The following COL19A1 variants were observed in gnomAD, a reference collection of about 807,000 sequenced individuals.
COL19A1 encodes the protein collagen type XIX alpha 1 chain.
A neutral mutation model predicts 190.2 loss-of-function variants in COL19A1; 159 were observed. That is an observed-to-expected ratio of 0.84 (90% CI 0.73 to 0.95). The LOEUF is 0.95. Among genes scored for constraint, COL19A1 ranks in the 40% least tolerant of loss-of-function variants. The pLI is 0.00. For synonymous variants in COL19A1, 509 were observed against 458.9 expected (o/e 1.11, Z -1.39); for missense variants, 1,418 against 1,431.9 (o/e 0.99, Z 0.16).
chr6:70,127,085 T>G (rs1348144408), intron 17 of COL19A1, among the ~76,000 whole-genome samples: 3 of 152,152 alleles, frequency 2.0e-5, no homozygotes, highest in Non-Finnish European at 4.4e-5. Context: ...GAGACTTGAT[T>G]AATGACTAGT....
chr6:70,205,461 G>A (rs1011158096), intron 49 of COL19A1, among the ~76,000 whole-genome samples: 8 of 152,128 alleles, frequency 5.3e-5, no homozygotes, highest in Admixed American at 1.3e-4. Flanking sequence ...TTATGAAAAG[G>A]CACAACTAAA....
intron 4 of COL19A1, among the ~76,000 whole-genome samples, chr6:69,924,513 G>C (rs149078124): frequency 6.6e-6 from 1 of 152,066 alleles, no homozygotes; most frequent in African/African-American, 2.4e-5. Context: ...TGATGGACAC[G>C]TGGGTTGGTT....
chr6:70,079,691 T>C (rs1014398597), intron 15 of COL19A1, among the ~76,000 whole-genome samples: 4 of 152,200 alleles, frequency 2.6e-5, no homozygotes, highest in African/African-American at 9.6e-5. Context: ...TTTCTTAGCA[T>C]GTCTGTGTTG....
chr6:70,041,014 A>C (rs1779609989), intron 14 of COL19A1, among the ~76,000 whole-genome samples: 1 of 152,164 alleles, frequency 6.6e-6, no homozygotes, highest in Non-Finnish European at 1.5e-5. Context: ...TTTTTAAACA[A>C]AATTTCATAT....
intron 14 of COL19A1, among the ~76,000 whole-genome samples, chr6:70,065,634 T>G (rs1781137448): frequency 6.6e-6 from 1 of 152,130 alleles, no homozygotes; most frequent in Non-Finnish European, 1.5e-5. Flanking sequence ...AAAGAGCTTC[T>G]GCACAGCAAA....
Position 70,199,438 on chromosome 6 carries a change from C to T in COL19A1, c.3095-170C>T, listed in dbSNP as rs114622722. Among the ~76,000 whole-genome samples, 155 of 152,236 alleles carry T rather than the reference C, an allele frequency of 1.0e-3. 2 individuals carry two copies. Among genetic ancestry groups the T allele is most frequent in the African/African-American group, 3.5e-3 (147 of 41,550 alleles). On this transcript the variant is annotated intron_variant, in intron 48 of 50. Coordinates refer to ENST00000620364, the MANE Select transcript of COL19A1 (RefSeq NM_001858.6). ...ATCTATACACAAACAACTTTGCAAT[C>T]GATATTATTTGTCTAATCAAAAAAC...
chr6:69,868,940 T>C lies in COL19A1; in HGVS notation c.-33+2300T>C, dbSNP rs144093615. On this transcript the variant is annotated intron_variant, in intron 1 of 50. Transcript: ENST00000620364. ...ACCATGGTAGTGTGACTAAGAGGCA[T>C]CACAAATGAAAATTCAATTGAAGTA... 2.8e-3 allele frequency among the ~76,000 whole-genome samples: 426 copies of C among 151,786 alleles called. 5 individuals carry two copies. Among genetic ancestry groups the C allele is most frequent in the African/African-American group, 9.7e-3 (401 of 41,382 alleles).
chr6:70,090,201 G>T (rs1232904915), intron 15 of COL19A1, among the ~76,000 whole-genome samples: 1 of 151,920 alleles, frequency 6.6e-6, no homozygotes, highest in Non-Finnish European at 1.5e-5. Flanking sequence ...ATTTGCACAT[G>T]GAAATGGAAA....
intron 9 of COL19A1, among the ~76,000 whole-genome samples, chr6:69,945,615 T>C (rs900334465): frequency 1.3e-5 from 2 of 152,074 alleles, no homozygotes; most frequent in African/African-American, 4.8e-5. Flanking sequence ...GAAATAATAA[T>C]GTTTCTTTAT....
At chr6:70,157,136 C>T (rs940936783) in intron 34 of COL19A1, among the ~76,000 whole-genome samples, 3 of 152,058 alleles carry the variant, frequency 2.0e-5, no homozygotes, top group African/African-American at 7.2e-5. Flanking sequence ...GCAGAGCTTC[C>T]CTGGGTACCA....
At chr6:70,049,731 A>C (rs529190252) in intron 14 of COL19A1, among the ~76,000 whole-genome samples, 1 of 152,152 alleles carries the variant, frequency 6.6e-6, no homozygotes, top group South Asian at 2.1e-4. Flanking sequence ...TTCATGTTGA[A>C]ATACTCAGCA....
chr6:70,191,140 C>A (rs2150297927), intron 48 of COL19A1, among the ~76,000 whole-genome samples: 1 of 152,258 alleles, frequency 6.6e-6, no homozygotes, highest in South Asian at 2.1e-4. Flanking sequence ...AAAGTTCTGA[C>A]CCCTGCTCTA....
chr6:70,103,980 C>G (rs2150190217), intron 16 of COL19A1, among the ~76,000 whole-genome samples: 1 of 152,054 alleles, frequency 6.6e-6, no homozygotes, highest in Admixed American at 6.6e-5. Flanking sequence ...CCAAAAACAC[C>G]CTGCACCACC....
At chr6:70,058,146 G>A (rs1780614910) in intron 14 of COL19A1, among the ~76,000 whole-genome samples, 1 of 151,842 alleles carries the variant, frequency 6.6e-6, no homozygotes, top group Admixed American at 6.6e-5. Context: ...AGTTATTTCA[G>A]GACCTATATA....
intron 17 of COL19A1, among the ~76,000 whole-genome samples, chr6:70,127,478 T>C (rs1192657752): frequency 6.6e-6 from 1 of 151,930 alleles, no homozygotes; most frequent in Non-Finnish European, 1.5e-5. Flanking sequence ...GAGAAAACAT[T>C]TGGGGAGACA....
Position 70,199,721 on chromosome 6 carries a change from G to A in COL19A1, c.3208G>A (p.Asp1070Asn), listed in dbSNP as rs776295411. ...GGATGGGTTGCCTGGGCCACCAGGA[G>A]ACCCTGGACCCCAAGGTAAGTCTTC... ...GKDGLPGPPG[D>N]PGPQGYRGQK... Residue 1070 changes from aspartate (D) to asparagine (N), a missense_variant, in exon 49 of 51, where the codon GAC becomes AAC. By Grantham distance (23) the Asp-to-Asn change is conservative. Transcript: ENST00000620364. 6.2e-7 allele frequency: 1 copy of A among 1,608,898 alleles called. No homozygotes were observed. Among genetic ancestry groups the A allele is most frequent in the Admixed American group, 1.7e-5 (1 of 59,512 alleles).
chr6:70,168,413 T>C (rs1765296591), intron 39 of COL19A1, among the ~76,000 whole-genome samples, 198 bp downstream of exon 39: 1 of 152,226 alleles, frequency 6.6e-6, no homozygotes, highest in Non-Finnish European at 1.5e-5. Context: ...AACAGCATTT[T>C]TCATGGTGGT....
intron 17 of COL19A1, 105 bp downstream of exon 17, chr6:70,122,047 G>A (rs1582964229): frequency 1.5e-6 from 1 of 660,658 alleles, no homozygotes; most frequent in Non-Finnish European, 2.5e-6. Context: ...TTTTATACAT[G>A]ATCACATGTA....
intron 8 of COL19A1, among the ~76,000 whole-genome samples, chr6:69,937,263 C>T (rs1406728094): frequency 1.3e-5 from 2 of 152,100 alleles, no homozygotes; most frequent in Non-Finnish European, 2.9e-5. Context: ...GCCTGCTCTT[C>T]AAAAACATAC....
Sources: gnomAD v4.1 joint callset for allele counts (sites outside exome capture counted in the v4.1 genomes callset) on GRCh38, gnomAD v4.1.1 for gene constraint, MANE v1.5 for transcripts, NCBI Gene and HGNC (gene_info 2026-07-23, HGNC 2026-07-21) for gene names.